Variants in VPS13B observed in about 807,000 individuals in gnomAD.
VPS13B encodes the protein vacuolar protein sorting 13 homolog B, also known as intermembrane lipid transfer protein VPS13B.
VPS13B carries 285 observed loss-of-function variants against 426.4 expected under a neutral mutation model. That is an observed-to-expected ratio of 0.67 (90% CI 0.61 to 0.74). The LOEUF (loss-of-function observed/expected upper bound fraction) is 0.74, where lower values mean the gene tolerates loss of function less well. Among genes scored for constraint, VPS13B ranks in the 30% least tolerant of loss-of-function variants. The pLI, the probability that VPS13B is intolerant of heterozygous loss-of-function variation, is 0.00. For missense variants in VPS13B, 4,537 were observed against 4,782.6 expected (o/e 0.95, Z 1.51); for synonymous variants, 1,676 against 1,676.4 (o/e 1.00, Z 0.01).
intron 25 of VPS13B, among the ~76,000 whole-genome samples, chr8:99,493,945 A>G (rs185144077): frequency 1.3e-5 from 2 of 152,190 alleles, no homozygotes; most frequent in Admixed American, 1.3e-4. Context: ...CTTTGTTCCT[A>G]GAAATTAAAC....
At position 99,080,622 on chromosome 8, in the gene VPS13B, T is replaced by C. The variant is rs537371810; in HGVS notation, c.292-15690T>C. Among the ~76,000 whole-genome samples, 24 of 152,328 alleles carry C rather than the reference T, an allele frequency of 1.6e-4. 1 individual carries two copies. The highest frequency in any genetic ancestry group is 6.8e-3 in the Middle Eastern group (2 of 294). On this transcript the variant is annotated intron_variant, in intron 3 of 61. Coordinates refer to ENST00000357162, the MANE Select transcript of VPS13B (RefSeq NM_152564.5). ...TATGGTTCTAAAATAAATCATAATG[T>C]GGGGTGGAGGTAATTTCCCCACTTA...
chr8:99,767,489 C>G (rs940937489), intron 40 of VPS13B, among the ~76,000 whole-genome samples: 1 of 95,084 alleles, frequency 1.1e-5, no homozygotes, highest in African/African-American at 4.1e-5. Flanking sequence ...AAGTGCAACT[C>G]TCTCAAAAAA....
At chr8:99,726,605 C>T (rs1042601536) in intron 39 of VPS13B, among the ~76,000 whole-genome samples, 1 of 152,068 alleles carries the variant, frequency 6.6e-6, no homozygotes, top group Admixed American at 6.5e-5. Context: ...TTTATGGCAA[C>T]ATATAAATGA....
chr8:99,364,792 C>T (rs985293596), intron 19 of VPS13B, among the ~76,000 whole-genome samples: 3 of 152,052 alleles, frequency 2.0e-5, no homozygotes, highest in Middle Eastern at 3.4e-3. Context: ...ATACTTGCCT[C>T]GTAGAATGAG....
At chr8:99,646,921 G>A (rs1829601586) in intron 34 of VPS13B, among the ~76,000 whole-genome samples, 1 of 152,120 alleles carries the variant, frequency 6.6e-6, no homozygotes, top group African/African-American at 2.4e-5. Flanking sequence ...TGTTAGTGCA[G>A]TGTACCGCCT....
chr8:99,499,410 T>A (rs1479403416), intron 25 of VPS13B, among the ~76,000 whole-genome samples: 2 of 152,146 alleles, frequency 1.3e-5, no homozygotes, highest in African/African-American at 4.8e-5. Context: ...AATTGAAGTC[T>A]TAGTGATTCG....
At chr8:99,143,975 A>G (rs1483721274) in intron 13 of VPS13B, among the ~76,000 whole-genome samples, 1 of 152,134 alleles carries the variant, frequency 6.6e-6, no homozygotes, top group Non-Finnish European at 1.5e-5. Context: ...GTTTTGGGCC[A>G]TGACTTTAAA....
chr8:99,623,994 C>CATATATATAT (rs770947718), intron 33 of VPS13B, among the ~76,000 whole-genome samples: 51 of 53,944 alleles, frequency 9.5e-4, no homozygotes, highest in African/African-American at 3.5e-3. Context: ...ATGAAACATA[C>CATATATATAT]ATATATATAT....
rs1818761009 is a variant in VPS13B, at chr8:99,460,401, C to T, written c.3446-7013C>T. Among the ~76,000 whole-genome samples the T allele has an allele frequency of 2.0e-5, 3 of 152,016 alleles. No individual in the cohort carries two copies. In the South Asian group the frequency reaches 6.2e-4, roughly 32 times the overall value. ...TTATCCCCCTTATTGACACATATAT[C>T]TACATATAATATAACCCAATGTTAC... On this transcript the variant is annotated intron_variant, in intron 23 of 61. Coordinates refer to ENST00000357162, the MANE Select transcript of VPS13B (RefSeq NM_152564.5).
chr8:99,019,187 C>T (rs1428372331), intron 2 of VPS13B, among the ~76,000 whole-genome samples: 5 of 148,834 alleles, frequency 3.4e-5, no homozygotes, highest in South Asian at 4.3e-4. Context: ...TATAATACAA[C>T]ATTTATCATC....
intron 51 of VPS13B, among the ~76,000 whole-genome samples, chr8:99,827,344 A>C (rs1423649400): frequency 1.3e-5 from 2 of 152,056 alleles, no homozygotes; most frequent in African/African-American, 2.4e-5. Context: ...TAGATTTTCT[A>C]GTTTATTCGC....
chr8:99,826,735 A>G (rs1814708422), intron 51 of VPS13B, among the ~76,000 whole-genome samples: 1 of 152,114 alleles, frequency 6.6e-6, no homozygotes, highest in African/African-American at 2.4e-5. Context: ...TTAGTTTGAG[A>G]TATGTTCCAT....
intron 3 of VPS13B, among the ~76,000 whole-genome samples, chr8:99,059,472 A>G (rs1844061250): frequency 6.6e-6 from 1 of 151,962 alleles, no homozygotes; most frequent in South Asian, 2.1e-4. Flanking sequence ...CACCATACCC[A>G]GCCTCTTTTT....
intron 44 of VPS13B, among the ~76,000 whole-genome samples, chr8:99,812,433 G>A (rs1813759277): frequency 6.6e-6 from 1 of 152,128 alleles, no homozygotes; most frequent in African/African-American, 2.4e-5. Context: ...GCAATAAACT[G>A]CAGCTGCCTA....
chr8:99,875,811 C>A lies in VPS13B; in HGVS notation c.*145C>A. ...CTCAACCCACAAGTAGCTACGACTG[C>A]AAGCACCTGCCACCATAAAGGGCTG... is the stretch of plus-strand genomic sequence containing the variant. On this transcript the variant is annotated 3_prime_UTR_variant, in exon 62 of 62. Transcript: ENST00000357162. 1 of 1,048,800 alleles carries A rather than the reference C, an allele frequency of 9.5e-7. No homozygotes were observed. Among genetic ancestry groups the A allele is most frequent in the Non-Finnish European group, 1.4e-6 (1 of 709,772 alleles). The allele number at this position is 1,048,800 out of a possible 1,614,324, so 65.0% of individuals were successfully genotyped here.
At chr8:99,235,157 C>G (rs2132869248) in intron 17 of VPS13B, among the ~76,000 whole-genome samples, 1 of 152,044 alleles carries the variant, frequency 6.6e-6, no homozygotes, top group South Asian at 2.1e-4. Context: ...TCAGTGCTTC[C>G]AAAAAAGTCT....
chr8:99,822,405 C>A (rs1386360272), intron 50 of VPS13B, among the ~76,000 whole-genome samples: 2 of 152,156 alleles, frequency 1.3e-5, no homozygotes, highest in Non-Finnish European at 2.9e-5. Context: ...GTTGTCTGGG[C>A]AACACATGTT....
At chr8:99,797,601 G>A (rs903667587) in intron 43 of VPS13B, among the ~76,000 whole-genome samples, 7 of 152,126 alleles carry the variant, frequency 4.6e-5, no homozygotes, top group Admixed American at 4.6e-4. Context: ...GCTCTTAAGA[G>A]TAGCTCCTGG....
intron 17 of VPS13B, among the ~76,000 whole-genome samples, chr8:99,270,233 G>T (rs182074328): frequency 1.5e-5 from 2 of 136,856 alleles, no homozygotes; most frequent in African/African-American, 2.7e-5. Context: ...CTGCCTCCCA[G>T]GCTCAGGCAA....
Sources: gnomAD v4.1 joint callset for allele counts (sites outside exome capture counted in the v4.1 genomes callset) on GRCh38, gnomAD v4.1.1 for gene constraint, MANE v1.5 for transcripts, NCBI Gene and HGNC (gene_info 2026-07-23, HGNC 2026-07-21) for gene names.